The following ENTREP2 variants were observed in gnomAD, a reference collection of about 807,000 sequenced individuals.
ENTREP2 encodes the protein endosomal transmembrane epsin interactor 2.
At chr15:29,210,335 A>G in the ENTREP2 span, among the ~76,000 whole-genome samples, 1,256 of 152,254 alleles carry the variant, frequency 8.2e-3, 9 homozygotes, top group African/African-American at 0.02. Flanking sequence ...AAACCACAAT[A>G]AAGGATCTGG....
chr15:29,490,380 CTCCACAACAT>C, the ENTREP2 span, among the ~76,000 whole-genome samples: 201 of 152,294 alleles, frequency 1.3e-3, no homozygotes, highest in African/African-American at 4.7e-3. Flanking sequence ...AGAACAAAAC[CTCCACAACAT>C]GGAAGAGAAC....
chr15:29,333,139 G>A, the ENTREP2 span, among the ~76,000 whole-genome samples: 14 of 152,208 alleles, frequency 9.2e-5, no homozygotes, highest in African/African-American at 2.4e-4. Flanking sequence ...GAGACCCACT[G>A]GAGGTCACAT....
At chr15:29,555,598 C>T in the ENTREP2 span, among the ~76,000 whole-genome samples, 32 of 152,222 alleles carry the variant, frequency 2.1e-4, no homozygotes, top group African/African-American at 7.7e-4. Flanking sequence ...AGCCCTTCCA[C>T]GCTGCTCAGG....
the ENTREP2 span, among the ~76,000 whole-genome samples, chr15:29,542,498 G>T: frequency 6.6e-6 from 1 of 151,482 alleles, no homozygotes; most frequent in Admixed American, 6.6e-5. Flanking sequence ...TAGAGACGGG[G>T]TTTCACTGTG....
At chr15:29,257,630 T>C in the ENTREP2 span, among the ~76,000 whole-genome samples, 1 of 152,158 alleles carries the variant, frequency 6.6e-6, no homozygotes, top group Non-Finnish European at 1.5e-5. Context: ...TAACAATGTA[T>C]GAGAAGGATA....
chr15:29,656,692 A>C, the ENTREP2 span, among the ~76,000 whole-genome samples: 3 of 152,168 alleles, frequency 2.0e-5, no homozygotes, highest in African/African-American at 4.8e-5. Context: ...AAAACCTGAC[A>C]CCACCAAATG....
At chr15:29,170,835 C>A in the ENTREP2 span, among the ~76,000 whole-genome samples, 8 of 152,222 alleles carry the variant, frequency 5.3e-5, no homozygotes, top group Non-Finnish European at 1.2e-4. Flanking sequence ...CTAAAGCATT[C>A]TGTTACAGCA....
the ENTREP2 span, among the ~76,000 whole-genome samples, chr15:29,517,666 T>C: frequency 6.6e-6 from 1 of 152,164 alleles, no homozygotes; most frequent in Non-Finnish European, 1.5e-5. Context: ...TATAACTCTT[T>C]GGACACACAT....
the ENTREP2 span, among the ~76,000 whole-genome samples, chr15:29,195,963 T>C: frequency 1.3e-5 from 2 of 152,216 alleles, no homozygotes; most frequent in African/African-American, 2.4e-5. Flanking sequence ...AATAAAATAA[T>C]ATAAACAATT....
chr15:29,220,220 C>G, the ENTREP2 span, among the ~76,000 whole-genome samples: 2 of 152,034 alleles, frequency 1.3e-5, no homozygotes, highest in Non-Finnish European at 2.9e-5. Flanking sequence ...CAGCCTAGAA[C>G]CTTCAGGGAC....
chr15:29,209,189 G>A, the ENTREP2 span, among the ~76,000 whole-genome samples: 2 of 152,150 alleles, frequency 1.3e-5, no homozygotes, highest in Non-Finnish European at 2.9e-5. Flanking sequence ...AGCTAACACA[G>A]AGGATTAATT....
the ENTREP2 span, among the ~76,000 whole-genome samples, chr15:29,159,458 C>T: frequency 3.3e-5 from 5 of 152,320 alleles, no homozygotes; most frequent in African/African-American, 1.2e-4. Context: ...GTTGCTACTG[C>T]TAGCTTGGGC....
chr15:29,286,168 T>G, the ENTREP2 span, among the ~76,000 whole-genome samples: 1 of 152,328 alleles, frequency 6.6e-6, no homozygotes, highest in South Asian at 2.1e-4. Context: ...ATCATTTTAC[T>G]GGAAGTCTCA....
chr15:29,334,711 G>GA, the ENTREP2 span, among the ~76,000 whole-genome samples: 2 of 152,216 alleles, frequency 1.3e-5, no homozygotes, highest in Admixed American at 1.3e-4. Context: ...GCCGGCCTGT[G>GA]ACTTGCGTGA....
chr15:29,491,039 C>A, the ENTREP2 span, among the ~76,000 whole-genome samples: 1 of 152,184 alleles, frequency 6.6e-6, no homozygotes, highest in Non-Finnish European at 1.5e-5. Context: ...GCGGCTGAGG[C>A]CCCGCGAGAA....
At chr15:29,261,810 A>G in the ENTREP2 span, among the ~76,000 whole-genome samples, 1 of 152,146 alleles carries the variant, frequency 6.6e-6, no homozygotes, top group Non-Finnish European at 1.5e-5. Context: ...ATTGAATATA[A>G]CAAAAATACA....
chr15:29,443,109 C>T, the ENTREP2 span, among the ~76,000 whole-genome samples: 1,180 of 152,354 alleles, frequency 7.7e-3, 14 homozygotes, highest in African/African-American at 0.025. Context: ...CCTCAGGTAC[C>T]TCTTGCTGGA....
the ENTREP2 span, among the ~76,000 whole-genome samples, chr15:29,551,548 G>A: frequency 4.6e-5 from 7 of 152,102 alleles, 1 homozygote; most frequent in African/African-American, 1.7e-4. Flanking sequence ...AAACTTCACT[G>A]TGCATCATAA....
chr15:29,187,373 T>C, the ENTREP2 span, among the ~76,000 whole-genome samples: 1 of 152,132 alleles, frequency 6.6e-6, no homozygotes, highest in South Asian at 2.1e-4. Flanking sequence ...CCTCCAGAGT[T>C]CAAGCAATTC....
Sources: gnomAD v4.1 joint callset for allele counts (sites outside exome capture counted in the v4.1 genomes callset) on GRCh38, gnomAD v4.1.1 for gene constraint, MANE v1.5 for transcripts, NCBI Gene and HGNC (gene_info 2026-07-23, HGNC 2026-07-21) for gene names.